The following EYS variants were observed in gnomAD, a reference collection of about 807,000 sequenced individuals.
EYS encodes protein eyes shut homolog.
EYS carries 250 observed loss-of-function variants against 282.1 expected under a neutral mutation model. The ratio of observed to expected loss-of-function variants is 0.89; its 90% CI spans 0.80 to 0.98. The LOEUF (loss-of-function observed/expected upper bound fraction) is 0.98, where lower values mean the gene tolerates loss of function less well. Ranked by LOEUF, EYS falls within the 50% of genes least tolerant of loss-of-function variation. The probability of loss-of-function intolerance (pLI) is 0.00; values close to 1 mark genes in which losing one functional copy is unlikely to be tolerated. For missense variants in EYS, 4,016 were observed against 3,709.0 expected, an observed-to-expected ratio of 1.08 and a Z score of -2.15; for synonymous variants, 1,355 against 1,282.9, an observed-to-expected ratio of 1.06 and a Z score of -1.20.
In EYS at chr6:64,439,213, A is replaced by G. The variant is rs1248852815; in HGVS notation, c.5784T>C (p.Asn1928=). The change falls in exon 27 of 43, where the codon AAT becomes AAC. Residue 1928 remains asparagine, a synonymous_variant. Coordinates refer to ENST00000503581, the MANE Select transcript of EYS (RefSeq NM_001142800.2). ...ATTGAATAAAAAATCCATCTACTAAATTTGAGTCTTGCTTGACATACAGCA... is the reference window on the plus strand; with the variant it reads ...ATTGAATAAAAAATCCATCTACTAAGTTTGAGTCTTGCTTGACATACAGCA... ...GLLLYVKQDS[N]LVDGFFIQLF... The G allele has an allele frequency of 1.3e-6, 2 of 1,481,576 alleles. No homozygotes were observed. Among genetic ancestry groups the G allele is most frequent in the African/African-American group, 2.9e-5 (2 of 69,204 alleles). The allele number at this position is 1,481,576 out of a possible 1,614,324, so 91.8% of individuals were successfully genotyped here.
intron 35 of EYS, among the ~76,000 whole-genome samples, chr6:63,907,739 TTAAG>T (rs1464666051): frequency 2.0e-5 from 3 of 151,972 alleles, no homozygotes; most frequent in Non-Finnish European, 4.4e-5. Flanking sequence ...GTTGTTCCCA[TTAAG>T]TAATTTCTCA....
chr6:65,537,484 T>C (rs1464589704), intron 2 of EYS, among the ~76,000 whole-genome samples: 4 of 152,080 alleles, frequency 2.6e-5, no homozygotes, highest in Non-Finnish European at 4.4e-5. Context: ...TGTTTATGTA[T>C]ACATAACACA....
At chr6:64,177,737 G>GT (rs1033107759) in intron 31 of EYS, among the ~76,000 whole-genome samples, 5 of 151,700 alleles carry the variant, frequency 3.3e-5, no homozygotes, top group African/African-American at 4.8e-5. Context: ...TCCATACTTT[G>GT]TTTTTTTTCT....
chr6:64,740,825 T>A (rs1772347292), intron 22 of EYS, among the ~76,000 whole-genome samples: 1 of 151,898 alleles, frequency 6.6e-6, no homozygotes, highest in South Asian at 2.1e-4. Context: ...ACCATTCTCC[T>A]GCCTCAGCCT....
intron 31 of EYS, among the ~76,000 whole-genome samples, chr6:64,128,919 C>A (rs2150279967): frequency 6.6e-6 from 1 of 152,234 alleles, no homozygotes; most frequent in East Asian, 1.9e-4. Flanking sequence ...AGAATAATAG[C>A]AGTCAGTAAA....
Position 63,726,568 on chromosome 6 carries a change from A to C in EYS, c.8184T>G (p.Ala2728=), listed in dbSNP as rs1582145928. Residue 2728 remains alanine (A), a synonymous_variant, in exon 42 of 43, where the codon GCT becomes GCG. Transcript: ENST00000503581. ...THIQLQFQPL[A]ADGILFYAAQ... Reference sequence around the variant, plus strand: ...CAGCATAAAATAGGATACCATCTGCAGCGAGAGGCTGAAACTGCAATTGAA... The same window carrying C: ...CAGCATAAAATAGGATACCATCTGCCGCGAGAGGCTGAAACTGCAATTGAA... The C allele has an allele frequency of 6.4e-7, 1 of 1,551,460 alleles. No homozygotes were observed. The highest frequency in any genetic ancestry group is 8.7e-7 in the Non-Finnish European group (1 of 1,146,814).
intron 36 of EYS, among the ~76,000 whole-genome samples, chr6:63,832,112 C>T (rs1278575561): frequency 1.3e-5 from 2 of 152,042 alleles, no homozygotes; most frequent in African/African-American, 4.8e-5. Flanking sequence ...CAAAAGAAAG[C>T]AGGAAAGATC....
At chr6:64,579,134 T>C (rs1303208000) in intron 26 of EYS, among the ~76,000 whole-genome samples, 1 of 152,114 alleles carries the variant, frequency 6.6e-6, no homozygotes, top group Non-Finnish European at 1.5e-5. Flanking sequence ...GTCTCAGGTC[T>C]TTATTCCTGT....
intron 32 of EYS, among the ~76,000 whole-genome samples, chr6:64,071,248 A>C (rs890327642): frequency 1.3e-5 from 2 of 152,074 alleles, no homozygotes; most frequent in Non-Finnish European, 2.9e-5. Flanking sequence ...TTTAATATTT[A>C]GCTTACTCAT....
intron 41 of EYS, among the ~76,000 whole-genome samples, chr6:63,756,677 CAA>C (rs1769493298): frequency 6.6e-6 from 1 of 151,992 alleles, no homozygotes; most frequent in African/African-American, 2.4e-5. Context: ...GTCAGGACCC[CAA>C]ACGGAGGGAC....
intron 2 of EYS, among the ~76,000 whole-genome samples, chr6:65,561,961 A>G (rs1737274129): frequency 6.6e-6 from 1 of 151,544 alleles, no homozygotes; most frequent in Admixed American, 6.6e-5. Context: ...TAAATATTTT[A>G]CAATATCCTA....
intron 12 of EYS, among the ~76,000 whole-genome samples, chr6:65,295,265 G>C (rs1768630196): frequency 6.6e-6 from 1 of 151,798 alleles, no homozygotes; most frequent in Non-Finnish European, 1.5e-5. Flanking sequence ...ATCAATGTAA[G>C]ACCAATCATA....
At chr6:63,876,496 T>G (rs1402270884) in intron 35 of EYS, among the ~76,000 whole-genome samples, 1 of 152,236 alleles carries the variant, frequency 6.6e-6, no homozygotes, top group African/African-American at 2.4e-5. Flanking sequence ...GTCCTCTTGG[T>G]GCAGAGCTGA....
rs1293386231 is a variant in EYS at position 65,242,284 on chromosome 6, T to C, written c.2023+53579A>G. On this transcript the variant is annotated intron_variant, in intron 12 of 42. Coordinates refer to ENST00000503581, the MANE Select transcript of EYS (RefSeq NM_001142800.2). ...AGGAAAAGAATCTATTAGCATTCAG[T>C]TCCCATCTCCCCATCTGCTCTAGGT... is the stretch of plus-strand genomic sequence containing the variant. 3.3e-5 allele frequency among the ~76,000 whole-genome samples: 5 copies of C among 152,098 alleles called. No individual in the cohort carries two copies. The South Asian group carries it at 6.2e-4, about 19-fold the overall frequency.
rs1582126417 is a variant in EYS, at chr6:64,010,386, G to T, written c.6726-11203C>A. Among the ~76,000 whole-genome samples, 5 of 120,364 alleles carry T rather than the reference G, an allele frequency of 4.2e-5. No individual in the cohort carries two copies. In the South Asian group the frequency reaches 1.3e-3, roughly 32 times the overall value. 79.0% of individuals were successfully genotyped at this position (120,364 alleles called of 152,430 possible). On this transcript the variant is annotated intron_variant, in intron 33 of 42. Coordinates refer to ENST00000503581, the MANE Select transcript of EYS (RefSeq NM_001142800.2). ...CACTGGTGGCATTGGCTGTGTGTGTGTTTGGTTGGGGGGGGGGGTGGTGGT... is the reference window on the plus strand; with the variant it reads ...CACTGGTGGCATTGGCTGTGTGTGTTTTTGGTTGGGGGGGGGGGTGGTGGT...
At chr6:64,705,000 A>T (rs1027212377) in intron 22 of EYS, among the ~76,000 whole-genome samples, 9 of 152,168 alleles carry the variant, frequency 5.9e-5, no homozygotes, top group African/African-American at 2.2e-4. Flanking sequence ...AGATAAAAAA[A>T]AATAATAAAG....
chr6:64,917,368 G>A (rs541919168), intron 15 of EYS, among the ~76,000 whole-genome samples: 2 of 152,082 alleles, frequency 1.3e-5, no homozygotes, highest in South Asian at 4.1e-4. Flanking sequence ...ACAAAGGATC[G>A]TTCAGCAATA....
chr6:64,013,896 G>GT (rs762118279), intron 33 of EYS, among the ~76,000 whole-genome samples: 26 of 152,140 alleles, frequency 1.7e-4, no homozygotes, highest in Non-Finnish European at 3.4e-4. Flanking sequence ...GATGGTGAAT[G>GT]TAAGTTCTAA....
intron 2 of EYS, among the ~76,000 whole-genome samples, chr6:65,550,152 T>TGCTAGCTTTATG (rs1768560292): frequency 0.015 from 143 of 9,232 alleles, 3 homozygotes; most frequent in African/African-American, 0.068. Context: ...TCTTTTTTTT[T>TGCTAGCTTTATG]TTTTTTTTTT....
Sources: gnomAD v4.1 joint callset for allele counts (sites outside exome capture counted in the v4.1 genomes callset) on GRCh38, gnomAD v4.1.1 for gene constraint, MANE v1.5 for transcripts, NCBI Gene and HGNC (gene_info 2026-07-23, HGNC 2026-07-21) for gene names.